VTI1A: variants seen among roughly 807,000 people sequenced by gnomAD.
The protein encoded by VTI1A is vesicle transport through interaction with t-SNAREs homolog 1A.
VTI1A carries 22 observed loss-of-function variants against 34.9 expected under a neutral mutation model. The observed-to-expected ratio is 0.63, with a 90% CI of 0.45 to 0.90. VTI1A has a LOEUF of 0.90. VTI1A is among the 40% of genes least tolerant of loss of function. The pLI is 0.00. For missense variants in VTI1A, 268 were observed against 275.6 expected (o/e 0.97, Z 0.20); for synonymous variants, 87 against 97.3 (o/e 0.89, Z 0.62).
chr10:112,757,985 C>T (rs1010985573), intron 7 of VTI1A, among the ~76,000 whole-genome samples: 2 of 152,144 alleles, frequency 1.3e-5, no homozygotes, highest in Non-Finnish European at 2.9e-5. Flanking sequence ...ATTTTGTTTA[C>T]AATTTTTCGT....
At chr10:112,741,845 A>G (rs951528091) in intron 7 of VTI1A, among the ~76,000 whole-genome samples, 8 of 152,120 alleles carry the variant, frequency 5.3e-5, no homozygotes, top group African/African-American at 1.4e-4. Flanking sequence ...AACAGTGTCA[A>G]TGCTTTCTAT....
chr10:112,602,575 T>C (rs1380443481), intron 5 of VTI1A, among the ~76,000 whole-genome samples: 2 of 152,256 alleles, frequency 1.3e-5, no homozygotes, highest in African/African-American at 4.8e-5. Flanking sequence ...CCTCAATTAA[T>C]GTGAAGCCAC....
intron 5 of VTI1A, among the ~76,000 whole-genome samples, chr10:112,541,676 T>G (rs1332014708): frequency 6.6e-6 from 1 of 152,228 alleles, no homozygotes; most frequent in Non-Finnish European, 1.5e-5. Flanking sequence ...CTAAAATTCT[T>G]GAATCATTTT....
intron 7 of VTI1A, among the ~76,000 whole-genome samples, chr10:112,739,205 G>T (rs769617043): frequency 4.6e-5 from 7 of 152,092 alleles, no homozygotes; most frequent in Non-Finnish European, 1.0e-4. Flanking sequence ...ACTTCCTCCC[G>T]CCTTATCGAA....
At chr10:112,602,888 G>C (rs1467056872) in intron 5 of VTI1A, among the ~76,000 whole-genome samples, 1 of 152,064 alleles carries the variant, frequency 6.6e-6, no homozygotes, top group Non-Finnish European at 1.5e-5. Flanking sequence ...AAAGCATTTG[G>C]TCACATAGAA....
chr10:112,486,741 A>G (rs1848650794), intron 3 of VTI1A, among the ~76,000 whole-genome samples: 1 of 151,990 alleles, frequency 6.6e-6, no homozygotes, highest in African/African-American at 2.4e-5. Context: ...AAAAAGTGCA[A>G]ATAACCAATA....
At chr10:112,486,506 TA>T (rs773365093) in intron 3 of VTI1A, among the ~76,000 whole-genome samples, 8 of 152,134 alleles carry the variant, frequency 5.3e-5, no homozygotes, top group African/African-American at 9.7e-5. Flanking sequence ...TTTTCTTGTT[TA>T]CTTGCTCTGT....
At chr10:112,732,005 T>C (rs191171946) in intron 7 of VTI1A, among the ~76,000 whole-genome samples, 1 of 152,322 alleles carries the variant, frequency 6.6e-6, no homozygotes, top group East Asian at 1.9e-4. Flanking sequence ...TTAATCATAA[T>C]AAAATGCATT....
chr10:112,604,572 C>T (rs1239408998), intron 5 of VTI1A, among the ~76,000 whole-genome samples: 1 of 152,192 alleles, frequency 6.6e-6, no homozygotes, highest in African/African-American at 2.4e-5. Context: ...CACTCATAAA[C>T]TGCTAATGAT....
At chr10:112,459,439 C>T (rs188433107) in intron 1 of VTI1A, among the ~76,000 whole-genome samples, 214 of 152,294 alleles carry the variant, frequency 1.4e-3, no homozygotes, top group Non-Finnish European at 2.4e-3. Flanking sequence ...CCTATCCCAC[C>T]GCCCAACTCC....
chr10:112,668,258 C>A lies in VTI1A; in HGVS notation c.468C>A (p.Asp156Glu). The change falls in exon 6 of 8, where the codon GAC becomes GAA. Residue 156 changes from aspartate to glutamate, a missense_variant. By Grantham distance (45) the Asp-to-Glu change is conservative. Transcript: ENST00000393077. The stretch of plus-strand genomic sequence containing the variant: ...AGATGTTGGAAAACCTTAGTCATGA[C>A]AGAGAAAAGATACAGCGAGCACGTG... Reference protein sequence around the residue: ...GQEMLENLSHDREKIQRARER... With the variant: ...GQEMLENLSHEREKIQRARER... The A allele has an allele frequency of 6.2e-7, 1 of 1,612,406 alleles. No homozygotes were observed. Among genetic ancestry groups the A allele is most frequent in the Non-Finnish European group, 8.5e-7 (1 of 1,179,014 alleles).
At position 112,447,423 on chromosome 10, in the gene VTI1A, C is replaced by T. The variant is rs1262105423; in HGVS notation, c.50C>T (p.Ala17Val). The change falls in exon 1 of 8, where the codon GCA (alanine) becomes GTA (valine). Residue 17 changes from alanine to valine, a missense_variant. Ala to Val is a moderately conservative substitution (Grantham distance 64). Transcript: ENST00000393077. ...GAGCAGGACTTCGCGGTGCTCACTG[C>T]AGAGATCACCAGCAAGATTGCGAGG... is the stretch of plus-strand genomic sequence containing the variant. ...GYEQDFAVLT[A>V]EITSKIARVP... The T allele has an allele frequency of 1.9e-6, 3 of 1,613,712 alleles. No individual in the cohort carries two copies. The highest frequency in any genetic ancestry group is 2.2e-5 in the South Asian group (2 of 91,038).
intron 1 of VTI1A, among the ~76,000 whole-genome samples, chr10:112,453,377 A>G (rs1046669310): frequency 2.0e-5 from 3 of 152,212 alleles, no homozygotes; most frequent in Non-Finnish European, 2.9e-5. Context: ...TCATATATGC[A>G]TAGCCTATAC....
intron 7 of VTI1A, among the ~76,000 whole-genome samples, chr10:112,761,982 A>G (rs1851485594): frequency 6.6e-6 from 1 of 152,176 alleles, no homozygotes; most frequent in Non-Finnish European, 1.5e-5. Flanking sequence ...GGACAGCATT[A>G]TGCTTTCCCC....
At chr10:112,850,369 A>AAG in the VTI1A span, among the ~76,000 whole-genome samples, 1 of 151,714 alleles carries the variant, frequency 6.6e-6, no homozygotes, top group Non-Finnish European at 1.5e-5. Flanking sequence ...AAAAAAAAAA[A>AAG]AAGAAACAGC....
At chr10:112,589,274 G>T (rs1844286515) in intron 5 of VTI1A, among the ~76,000 whole-genome samples, 1 of 151,950 alleles carries the variant, frequency 6.6e-6, no homozygotes, top group Non-Finnish European at 1.5e-5. Flanking sequence ...TGAATCATGG[G>T]GTCAGTTTCC....
chr10:112,494,836 A>G (rs1334128028), intron 3 of VTI1A, among the ~76,000 whole-genome samples: 2 of 152,252 alleles, frequency 1.3e-5, no homozygotes, highest in East Asian at 3.9e-4. Flanking sequence ...CTTTCTTAAG[A>G]CAAGTGTTTA....
chr10:112,667,143 A>G (rs1266983355), intron 5 of VTI1A, among the ~76,000 whole-genome samples: 1 of 152,166 alleles, frequency 6.6e-6, no homozygotes. Flanking sequence ...TCTTACTAAC[A>G]TCATTAAATT....
chr10:112,783,523 G>A (rs1852197330), intron 7 of VTI1A, among the ~76,000 whole-genome samples: 1 of 152,142 alleles, frequency 6.6e-6, no homozygotes, highest in Non-Finnish European at 1.5e-5. Flanking sequence ...ATGAATTATG[G>A]ACCCTAATGA....
Sources: allele counts gnomAD v4.1 joint callset (sites outside exome capture counted in the v4.1 genomes callset), GRCh38; gene constraint gnomAD v4.1.1; transcripts MANE v1.5; gene names NCBI Gene and HGNC (gene_info 2026-07-23, HGNC 2026-07-21).